Variants in NRCAM observed in about 807,000 individuals in gnomAD.
NRCAM encodes the protein neuronal cell adhesion molecule.
A neutral mutation model predicts 156.5 loss-of-function variants in NRCAM; 83 were observed. The ratio of observed to expected loss-of-function variants is 0.53; its 90% CI spans 0.44 to 0.64. The LOEUF (loss-of-function observed/expected upper bound fraction) is 0.64. Ranked by LOEUF, NRCAM falls within the 30% of genes least tolerant of loss-of-function variation. The pLI is 0.00. For missense variants in NRCAM, 1,417 were observed against 1,597.3 expected, an observed-to-expected ratio of 0.89 and a Z score of 1.92; for synonymous variants, 538 against 563.9, an observed-to-expected ratio of 0.95 and a Z score of 0.65.
At chr7:108,156,276 C>T (rs2045418697) in intron 32 of NRCAM, 46 of 984,762 alleles carry the variant, frequency 4.7e-5, no homozygotes, top group Non-Finnish European at 5.3e-5. Flanking sequence ...GTGGCAAGAG[C>T]CACCAATTAT....
chr7:108,158,417 T>C (rs1039616292), intron 32 of NRCAM, among the ~76,000 whole-genome samples: 3 of 152,226 alleles, frequency 2.0e-5, no homozygotes, highest in Non-Finnish European at 4.4e-5. Flanking sequence ...CAATCAGTTC[T>C]ACATTTTTTA....
chr7:108,434,964 A>C (rs1334274451), intron 1 of NRCAM, among the ~76,000 whole-genome samples: 1 of 152,180 alleles, frequency 6.6e-6, no homozygotes, highest in Non-Finnish European at 1.5e-5. Context: ...CTAAAATGTC[A>C]GTAGTCAATA....
intron 2 of NRCAM, among the ~76,000 whole-genome samples, chr7:108,317,594 C>G (rs181924000): frequency 1.3e-5 from 2 of 152,014 alleles, no homozygotes; most frequent in Non-Finnish European, 2.9e-5. Context: ...TGGCTATAAA[C>G]TAATACCGTA....
chr7:108,388,875 T>C (rs1334342018), intron 2 of NRCAM, among the ~76,000 whole-genome samples: 1 of 152,016 alleles, frequency 6.6e-6, no homozygotes, highest in East Asian at 1.9e-4. Flanking sequence ...GTTGTAGATA[T>C]GCGGCATTAA....
intron 30 of NRCAM, among the ~76,000 whole-genome samples, chr7:108,162,250 C>G (rs2049550342): frequency 6.6e-6 from 1 of 152,168 alleles, no homozygotes; most frequent in South Asian, 2.1e-4. Flanking sequence ...ACCAAATCTG[C>G]AAAAATCTTA....
intron 3 of NRCAM, among the ~76,000 whole-genome samples, chr7:108,307,304 A>G (rs2098731207): frequency 6.6e-6 from 1 of 152,218 alleles, no homozygotes; most frequent in East Asian, 1.9e-4. Flanking sequence ...GAATGCATTA[A>G]TCAACACTGC....
At chr7:108,272,094 T>C (rs2097374612) in intron 3 of NRCAM, among the ~76,000 whole-genome samples, 1 of 152,204 alleles carries the variant, frequency 6.6e-6, no homozygotes, top group Admixed American at 6.5e-5. Context: ...AATTCTGATC[T>C]TATCAATCAT....
At chr7:108,456,532 C>G (rs1290864509), upstream of NRCAM, 1 of 152,006 alleles carries the variant, frequency 6.6e-6, no homozygotes, top group African/African-American at 2.4e-5. Flanking sequence ...TTAGCGTCCT[C>G]CCGTCCCCCT....
At chr7:108,354,769 C>T (rs12669401) in intron 2 of NRCAM, among the ~76,000 whole-genome samples, 41,645 of 151,850 alleles carry the variant, frequency 0.27, 6,362 homozygotes, top group Middle Eastern at 0.37. Flanking sequence ...TGGTGGGTGC[C>T]TATAATCCCA....
At chr7:108,331,216 T>C (rs1006669552) in intron 2 of NRCAM, among the ~76,000 whole-genome samples, 6 of 151,842 alleles carry the variant, frequency 4.0e-5, no homozygotes, top group Non-Finnish European at 7.4e-5. Flanking sequence ...CTGGGCAACA[T>C]AGTGAGACCT....
At chr7:108,168,234 G>A in intron 29 of NRCAM, 43 bp downstream of exon 29, 1 of 1,467,332 alleles carries the variant, frequency 6.8e-7, no homozygotes, top group Non-Finnish European at 9.0e-7. Context: ...TTTAAAAAAT[G>A]CATCCCCCAA....
At chr7:108,180,649 C>T (rs1320148814) in intron 24 of NRCAM, among the ~76,000 whole-genome samples, 2 of 152,196 alleles carry the variant, frequency 1.3e-5, no homozygotes, top group African/African-American at 2.4e-5. Flanking sequence ...CTGGGCTACA[C>T]TACTTTGTCG....
At chr7:108,454,729 G>C (rs1854479529) in intron 1 of NRCAM, among the ~76,000 whole-genome samples, 1 of 152,188 alleles carries the variant, frequency 6.6e-6, no homozygotes, top group South Asian at 2.1e-4. Context: ...GACCACCCCA[G>C]GGGGAGCTCC....
intron 32 of NRCAM, among the ~76,000 whole-genome samples, chr7:108,155,101 T>TATATATACACACACACACACAC (rs1270777439): frequency 1.6e-5 from 2 of 123,098 alleles, no homozygotes; most frequent in African/African-American, 7.1e-5. Context: ...TATATATATA[T>TATATATACACACACACACACAC]ACACACACAC....
intron 11 of NRCAM, 54 bp from the exon 12 acceptor site, chr7:108,209,659 C>T (rs1375690240): frequency 1.6e-6 from 2 of 1,279,144 alleles, no homozygotes; most frequent in African/African-American, 1.5e-5. Context: ...CCTATGACTA[C>T]TTTTGAGGAT....
intron 20 of NRCAM, among the ~76,000 whole-genome samples, chr7:108,187,259 C>T (rs2067462171): frequency 6.6e-6 from 1 of 152,124 alleles, no homozygotes; most frequent in African/African-American, 2.4e-5. Context: ...GCACAATTCC[C>T]ACTCTACACA....
In NRCAM at chr7:108,358,244, C is replaced by CAAA. The variant is rs71314689; in HGVS notation, c.-174+41189_-174+41191dup. Among the ~76,000 whole-genome samples, 127 of 71,770 alleles carry CAAA rather than the reference C, an allele frequency of 1.8e-3. 2 individuals carry two copies. The highest frequency in any genetic ancestry group is 3.1e-3 in the South Asian group (8 of 2,540). 47.1% of individuals were successfully genotyped at this position (71,770 alleles called of 152,430 possible). A position where few individuals can be genotyped will look rare whatever the true frequency, so the allele number is the denominator to read the frequency against. On this transcript the variant is annotated intron_variant, in intron 2 of 32. Transcript: ENST00000379028. ...GCAACATGGTGAAACCCCCTCTCTA[C>CAAA]AAAAAAAAAAAAAAAAAAGGCCTGA...
At chr7:108,287,703 C>CA (rs2098145232) in intron 3 of NRCAM, among the ~76,000 whole-genome samples, 1 of 149,840 alleles carries the variant, frequency 6.7e-6, no homozygotes, top group Admixed American at 6.6e-5. Context: ...ATTAAAAAGT[C>CA]AAAAAAACAA....
chr7:108,441,454 T>C (rs913453276), intron 1 of NRCAM, among the ~76,000 whole-genome samples: 1 of 152,248 alleles, frequency 6.6e-6, no homozygotes, highest in Non-Finnish European at 1.5e-5. Context: ...ATCTACACTT[T>C]CCTAAATAGC....
Sources: allele counts gnomAD v4.1 joint callset (sites outside exome capture counted in the v4.1 genomes callset), GRCh38; gene constraint gnomAD v4.1.1; transcripts MANE v1.5; gene names NCBI Gene and HGNC (gene_info 2026-07-23, HGNC 2026-07-21).